The following FHL2 variants were observed in gnomAD, a reference collection of about 807,000 sequenced individuals.
FHL2 encodes four and a half LIM domains 2.
A neutral mutation model predicts 32.7 loss-of-function variants in FHL2; 20 were observed. The observed-to-expected ratio is 0.61, with a 90% CI of 0.43 to 0.89. The LOEUF is 0.89. Among genes scored for constraint, FHL2 ranks in the 40% least tolerant of loss-of-function variants. The pLI is 0.00. For synonymous variants in FHL2, 123 were observed against 128.1 expected, an observed-to-expected ratio of 0.96 and a Z score of 0.27; for missense variants, 311 against 358.6, an observed-to-expected ratio of 0.87 and a Z score of 1.07.
rs74575749 is a variant in FHL2, at chr2:105,386,408, C to A, written c.109G>T (p.Ala37Ser). 3.3e-4 allele frequency: 538 copies of A among 1,614,160 alleles called. 1 individual carries two copies. The African/African-American group carries it at 6.1e-3, about 18-fold the overall frequency. Reference sequence around the variant, plus strand: ...TTCCCACACTCCTCGCAGGTGTTGGCGAACAGGGTCTCAAAGCACACCACG... The same window carrying A: ...TTCCCACACTCCTCGCAGGTGTTGGAGAACAGGGTCTCAAAGCACACCACG... ...YCVVCFETLFANTCEECGKPI... is the reference protein window; with the variant it reads ...YCVVCFETLFSNTCEECGKPI... Residue 37 changes from alanine to serine, a missense_variant, in exon 3 of 7, where the codon GCC (alanine) becomes TCC (serine). Ala to Ser is a moderately conservative substitution (Grantham distance 99, BLOSUM62 1). Coordinates refer to ENST00000530340, the MANE Select transcript of FHL2 (RefSeq NM_001318895.3).
intron 1 of FHL2, among the ~76,000 whole-genome samples, chr2:105,409,573 T>C (rs1156309501): frequency 1.3e-5 from 2 of 152,232 alleles, no homozygotes; most frequent in Admixed American, 6.5e-5. Flanking sequence ...AGTTTAAATA[T>C]GCGTATGTGC....
chr2:105,418,533 T>C (rs894188594), intron 1 of FHL2, among the ~76,000 whole-genome samples: 1 of 152,228 alleles, frequency 6.6e-6, no homozygotes, highest in Non-Finnish European at 1.5e-5. Context: ...ATTATCCAGA[T>C]ATTTCAGTTG....
intron 1 of FHL2, among the ~76,000 whole-genome samples, chr2:105,414,735 T>C (rs1182517150): frequency 1.3e-5 from 2 of 152,140 alleles, no homozygotes; most frequent in Non-Finnish European, 2.9e-5. Flanking sequence ...ATATTTTTAG[T>C]AGTGATGGGG....
At chr2:105,375,447 G>T (rs923690636) in intron 3 of FHL2, 1 of 152,244 alleles carries the variant, frequency 6.6e-6, no homozygotes, top group Admixed American at 6.5e-5. Flanking sequence ...AGACAAGCCT[G>T]GCCAACATGG....
chr2:105,378,293 T>C (rs964171640), intron 3 of FHL2: 12 of 429,082 alleles, frequency 2.8e-5, no homozygotes, highest in African/African-American at 2.2e-4. Context: ...ATTATCCACA[T>C]GTTACTGGAC....
At chr2:105,384,425 T>C (rs1024104519) in intron 3 of FHL2, among the ~76,000 whole-genome samples, 1 of 152,184 alleles carries the variant, frequency 6.6e-6, no homozygotes, top group Admixed American at 6.5e-5. Flanking sequence ...TGTCAGCTGC[T>C]AGAAGAGTAC....
intron 3 of FHL2, chr2:105,375,285 G>A (rs893724366): frequency 7.2e-5 from 11 of 152,192 alleles, no homozygotes; most frequent in South Asian, 6.2e-4. Context: ...AAATGTGAAC[G>A]CTGAGACACT....
chr2:105,411,630 A>G (rs895760886), intron 1 of FHL2, among the ~76,000 whole-genome samples: 35 of 143,260 alleles, frequency 2.4e-4, no homozygotes, highest in Non-Finnish European at 2.7e-4. Flanking sequence ...ACTTGAGGTC[A>G]GGAATTCAAG....
intron 2 of FHL2, among the ~76,000 whole-genome samples, chr2:105,394,692 A>G (rs1234289677): frequency 1.3e-5 from 2 of 152,226 alleles, no homozygotes; most frequent in Non-Finnish European, 1.5e-5. Context: ...ATTTTAAACA[A>G]TCTTAGTTTG....
chr2:105,433,639 T>C (rs571809305), intron 1 of FHL2, among the ~76,000 whole-genome samples: 128 of 152,230 alleles, frequency 8.4e-4, no homozygotes, highest in Middle Eastern at 3.4e-3. Flanking sequence ...CGTCCTCACC[T>C]GTAAACAAGG....
At chr2:105,365,296 C>G (rs1187536188) in intron 5 of FHL2, among the ~76,000 whole-genome samples, 1 of 152,152 alleles carries the variant, frequency 6.6e-6, no homozygotes, top group Non-Finnish European at 1.5e-5. Flanking sequence ...AGTTAAGTGT[C>G]TGCATCTTGT....
chr2:105,395,810 C>T (rs1683081344), intron 2 of FHL2, among the ~76,000 whole-genome samples: 1 of 152,196 alleles, frequency 6.6e-6, no homozygotes, highest in African/African-American at 2.4e-5. Context: ...TCACTCAAGA[C>T]CATATGACGG....
intron 1 of FHL2, among the ~76,000 whole-genome samples, chr2:105,404,868 G>A (rs547215449): frequency 1.3e-5 from 2 of 152,214 alleles, no homozygotes; most frequent in East Asian, 3.9e-4. Flanking sequence ...AATAATCAGT[G>A]TTTAAAGCCT....
intron 2 of FHL2, among the ~76,000 whole-genome samples, chr2:105,391,669 A>G (rs1277405056): frequency 6.6e-6 from 1 of 152,218 alleles, no homozygotes; most frequent in Non-Finnish European, 1.5e-5. Flanking sequence ...ACAGGGGGCA[A>G]TGACTCCTAA....
chr2:105,371,319 G>T (rs1381445495), intron 4 of FHL2, among the ~76,000 whole-genome samples: 3 of 152,156 alleles, frequency 2.0e-5, no homozygotes, highest in Non-Finnish European at 4.4e-5. Flanking sequence ...CATCTAATCG[G>T]TAGTGGGCCT....
At chr2:105,359,318 G>C (rs1244532929), downstream of FHL2, 1 of 152,112 alleles carries the variant, frequency 6.6e-6, no homozygotes, top group Non-Finnish European at 1.5e-5. Flanking sequence ...TTATGAAGTA[G>C]AAAACAGCAA....
intron 1 of FHL2, among the ~76,000 whole-genome samples, chr2:105,407,265 G>A (rs891047362): frequency 1.6e-4 from 24 of 151,794 alleles, no homozygotes; most frequent in Non-Finnish European, 2.5e-4. Flanking sequence ...GGTGGCGGGC[G>A]CCTGTAGTCC....
At chr2:105,389,034 C>T (rs964896026) in intron 2 of FHL2, among the ~76,000 whole-genome samples, 1 of 152,206 alleles carries the variant, frequency 6.6e-6, no homozygotes, top group African/African-American at 2.4e-5. Flanking sequence ...ACGATCCTGA[C>T]AACTGTAAGC....
chr2:105,395,421 C>G (rs1389572040), intron 2 of FHL2, among the ~76,000 whole-genome samples: 1 of 152,192 alleles, frequency 6.6e-6, no homozygotes, highest in African/African-American at 2.4e-5. Context: ...TCTCACCTCC[C>G]AAGTGCGGCT....
Sources: allele counts gnomAD v4.1 joint callset (sites outside exome capture counted in the v4.1 genomes callset), GRCh38; gene constraint gnomAD v4.1.1; transcripts MANE v1.5; gene names NCBI Gene and HGNC (gene_info 2026-07-23, HGNC 2026-07-21).